Variants in LHFPL2 observed in about 807,000 individuals in gnomAD.
LHFPL2 encodes LHFPL tetraspan subfamily member 2.
Under a neutral mutation model 17.5 loss-of-function variants are expected in LHFPL2, and 7 were observed. The observed-to-expected ratio is 0.40, with a 90% CI of 0.23 to 0.75. The LOEUF (loss-of-function observed/expected upper bound fraction) is 0.75, where lower values mean the gene tolerates loss of function less well. Among genes scored for constraint, LHFPL2 ranks in the 30% least tolerant of loss-of-function variants. The probability of loss-of-function intolerance (pLI) is 0.37; values close to 1 mark genes in which losing one functional copy is unlikely to be tolerated. For synonymous variants in LHFPL2, 134 were observed against 116.2 expected (o/e 1.15, Z -0.99); for missense variants, 241 against 294.8 (o/e 0.82, Z 1.34).
At chr5:78,631,525 G>A (rs1745246114) in intron 2 of LHFPL2, among the ~76,000 whole-genome samples, 1 of 152,234 alleles carries the variant, frequency 6.6e-6, no homozygotes, top group Non-Finnish European at 1.5e-5. Flanking sequence ...AGTACGTAAA[G>A]CTCACCATGA....
chr5:78,492,064 C>T (rs568185135), intron 4 of LHFPL2, among the ~76,000 whole-genome samples: 4 of 152,154 alleles, frequency 2.6e-5, no homozygotes, highest in Non-Finnish European at 5.9e-5. Flanking sequence ...GAAGCCTCCC[C>T]ACAAGGTATG....
chr5:78,630,789 G>A (rs1745215096), intron 2 of LHFPL2, among the ~76,000 whole-genome samples: 1 of 152,218 alleles, frequency 6.6e-6, no homozygotes, highest in South Asian at 2.1e-4. Flanking sequence ...GCTGAACAAT[G>A]TGTAGTGTTA....
At chr5:78,626,460 C>G (rs1274310223) in intron 2 of LHFPL2, 1 of 152,248 alleles carries the variant, frequency 6.6e-6, no homozygotes, top group South Asian at 2.1e-4. Flanking sequence ...GTACAGGATA[C>G]GGAGAAGCCT....
At chr5:78,595,689 T>A (rs530134535) in intron 2 of LHFPL2, among the ~76,000 whole-genome samples, 5 of 152,098 alleles carry the variant, frequency 3.3e-5, no homozygotes, top group East Asian at 2.0e-4. Flanking sequence ...TTTTTTAAAA[T>A]TTTTTTTGTA....
At chr5:78,582,223 T>C (rs1181283949) in intron 2 of LHFPL2, among the ~76,000 whole-genome samples, 2 of 152,226 alleles carry the variant, frequency 1.3e-5, no homozygotes, top group Non-Finnish European at 2.9e-5. Context: ...TTGTTGATCC[T>C]TTCAAAAAAC....
chr5:78,531,181 T>A (rs921423175), intron 3 of LHFPL2, among the ~76,000 whole-genome samples: 8 of 152,178 alleles, frequency 5.3e-5, no homozygotes, highest in Non-Finnish European at 7.3e-5. Flanking sequence ...TTTGGGAGGC[T>A]GAGGCAGGCG....
intron 1 of LHFPL2, among the ~76,000 whole-genome samples, chr5:78,633,875 C>A (rs1745335977): frequency 6.6e-6 from 1 of 152,118 alleles, no homozygotes. Context: ...CATTTCTCCT[C>A]CCACCTAGAT....
intron 2 of LHFPL2, among the ~76,000 whole-genome samples, chr5:78,580,533 G>C (rs1743083922): frequency 6.7e-6 from 1 of 149,152 alleles, no homozygotes; most frequent in African/African-American, 2.4e-5. Flanking sequence ...TAAGGTGTAA[G>C]GAAGGGATCC....
chr5:78,515,978 C>T (rs1303501658), intron 3 of LHFPL2, among the ~76,000 whole-genome samples: 3 of 152,264 alleles, frequency 2.0e-5, no homozygotes, highest in African/African-American at 7.2e-5. Flanking sequence ...CCCAGCTCAT[C>T]TGTTGTCTGA....
At chr5:78,537,552 C>T (rs1755987760) in intron 3 of LHFPL2, among the ~76,000 whole-genome samples, 1 of 152,200 alleles carries the variant, frequency 6.6e-6, no homozygotes, top group African/African-American at 2.4e-5. Flanking sequence ...CCAAGAACAG[C>T]TCTTAGTGAA....
At position 78,486,754 on chromosome 5, in the gene LHFPL2, A is replaced by G. The variant is rs1165167258; in HGVS notation, c.*2143T>C. 2.6e-5 allele frequency: 4 copies of G among 152,198 alleles called. No individual in the cohort carries two copies. Among genetic ancestry groups the G allele is most frequent in the African/African-American group, 9.6e-5 (4 of 41,454 alleles). 9.4% of individuals were successfully genotyped at this position (152,198 alleles called of 1,614,324 possible). ...ACTGTTCCCAGGTTGATCTAGAGGTACACTGCCACCTTAGCCAAAGAGCAG... is the reference window on the plus strand; with the variant it reads ...ACTGTTCCCAGGTTGATCTAGAGGTGCACTGCCACCTTAGCCAAAGAGCAG... On this transcript the variant is annotated 3_prime_UTR_variant, in exon 5 of 5. Transcript: ENST00000380345.
chr5:78,626,397 G>A (rs900401931), intron 2 of LHFPL2: 2 of 152,276 alleles, frequency 1.3e-5, no homozygotes, highest in Non-Finnish European at 2.9e-5. Flanking sequence ...GGAGCAGCAC[G>A]TGGCCAAAGC....
intron 2 of LHFPL2, among the ~76,000 whole-genome samples, chr5:78,602,756 C>G (rs1470281467): frequency 6.6e-6 from 1 of 152,214 alleles, no homozygotes; most frequent in Non-Finnish European, 1.5e-5. Flanking sequence ...ACCACTTGCC[C>G]TGGTCAGAAC....
At chr5:78,577,565 C>A (rs976652009) in intron 2 of LHFPL2, among the ~76,000 whole-genome samples, 23 of 152,278 alleles carry the variant, frequency 1.5e-4, no homozygotes, top group African/African-American at 5.5e-4. Context: ...AGGCTATCTG[C>A]CGTACACGGG....
intron 4 of LHFPL2, among the ~76,000 whole-genome samples, chr5:78,495,463 TGAA>T (rs1474204361): frequency 6.6e-6 from 1 of 152,198 alleles, no homozygotes; most frequent in African/African-American, 2.4e-5. Context: ...AGTAACTGTC[TGAA>T]GAAGTGAGTC....
chr5:78,488,809 G>A lies in LHFPL2; in HGVS notation c.*88C>T. On this transcript the variant is annotated 3_prime_UTR_variant, in exon 5 of 5. Transcript: ENST00000380345. ...GTGGAACGTGGCTTTGGTAGGTAAA[G>A]GTTAGTTCTCCACTTGACTCAAATG... 7 of 1,485,030 alleles carry A rather than the reference G, an allele frequency of 4.7e-6. No individual in the cohort carries two copies. The highest frequency in any genetic ancestry group is 6.4e-6 in the Non-Finnish European group (7 of 1,088,178). 92.0% of individuals were successfully genotyped at this position (1,485,030 alleles called of 1,614,324 possible).
At position 78,607,402 on chromosome 5, in the gene LHFPL2, C is replaced by G. The variant is rs577777124; in HGVS notation, c.-245+24862G>C. ...TGCTGGGATTACAGGCATGAGCCAC[C>G]ACGCCCAGCCAATGTAGTGTATCTT... On this transcript the variant is annotated intron_variant, in intron 2 of 4. Coordinates refer to ENST00000380345, the MANE Select transcript of LHFPL2 (RefSeq NM_005779.3). Among the ~76,000 whole-genome samples the G allele has an allele frequency of 2.0e-5, 3 of 152,342 alleles. No individual in the cohort carries two copies. The South Asian group carries it at 6.2e-4, about 32-fold the overall frequency.
At chr5:78,605,547 C>T (rs1268170047) in intron 2 of LHFPL2, among the ~76,000 whole-genome samples, 3 of 152,120 alleles carry the variant, frequency 2.0e-5, no homozygotes, top group Non-Finnish European at 4.4e-5. Context: ...ATGTTACCAC[C>T]TTGAACTGGA....
At chr5:78,635,612 C>T (rs375729511) in intron 1 of LHFPL2, among the ~76,000 whole-genome samples, 1 of 152,184 alleles carries the variant, frequency 6.6e-6, no homozygotes, top group Non-Finnish European at 1.5e-5. Flanking sequence ...ACCATCCTGG[C>T]TAACACGGTG....
Sources: allele counts gnomAD v4.1 joint callset (sites outside exome capture counted in the v4.1 genomes callset), GRCh38; gene constraint gnomAD v4.1.1; transcripts MANE v1.5; gene names NCBI Gene and HGNC (gene_info 2026-07-23, HGNC 2026-07-21).